Variants in C7orf78 observed in about 807,000 individuals in gnomAD.
The protein encoded by C7orf78 is chromosome 7 open reading frame 78, also known as putative uncharacterized protein C7orf78.
the C7orf78 span, chr7:12,486,933 A>G: frequency 8.6e-6 from 1 of 116,082 alleles, no homozygotes; most frequent in Admixed American, 1.0e-4. Context: ...TAATTTTTAT[A>G]ATTTAATTTA....
At chr7:12,502,981 C>T in the C7orf78 span, among the ~76,000 whole-genome samples, 1 of 149,240 alleles carries the variant, frequency 6.7e-6, no homozygotes, top group East Asian at 2.0e-4. Flanking sequence ...ACTATCGCAA[C>T]AACAAAAAAC....
At chr7:12,539,176 C>T in the C7orf78 span, among the ~76,000 whole-genome samples, 1 of 152,104 alleles carries the variant, frequency 6.6e-6, no homozygotes, top group Non-Finnish European at 1.5e-5. Flanking sequence ...AAAGACAAAG[C>T]CTTTAGGGCC....
chr7:12,541,515 T>C, the C7orf78 span: 1 of 152,150 alleles, frequency 6.6e-6, no homozygotes, highest in Non-Finnish European at 1.5e-5. Context: ...TCCCAGAGGA[T>C]GTCATCCAAA....
At chr7:12,534,282 A>T in the C7orf78 span, among the ~76,000 whole-genome samples, 1 of 152,204 alleles carries the variant, frequency 6.6e-6, no homozygotes, top group Non-Finnish European at 1.5e-5. Flanking sequence ...ATTTAAGATT[A>T]TGTTCAGCCA....
the C7orf78 span, among the ~76,000 whole-genome samples, chr7:12,513,359 G>A: frequency 1.3e-5 from 2 of 151,762 alleles, no homozygotes; most frequent in Non-Finnish European, 2.9e-5. Context: ...TGCTGCTGTT[G>A]TTGCTCTTGT....
chr7:12,485,145 T>C, the C7orf78 span, among the ~76,000 whole-genome samples: 2 of 69,098 alleles, frequency 2.9e-5, no homozygotes, highest in African/African-American at 5.7e-5. Context: ...CAGTAGACAT[T>C]ATGCTATCAG....
the C7orf78 span, among the ~76,000 whole-genome samples, chr7:12,500,150 C>T: frequency 1.4e-5 from 2 of 145,514 alleles, no homozygotes; most frequent in South Asian, 2.3e-4. Context: ...AATTGACACC[C>T]TAACATCACA....
chr7:12,524,037 T>A, the C7orf78 span, among the ~76,000 whole-genome samples: 2 of 152,216 alleles, frequency 1.3e-5, no homozygotes, highest in African/African-American at 4.8e-5. Context: ...AGGCAAAGAG[T>A]TAAACAGTAG....
the C7orf78 span, among the ~76,000 whole-genome samples, chr7:12,502,685 G>A: frequency 6.6e-6 from 1 of 151,914 alleles, no homozygotes; most frequent in South Asian, 2.1e-4. Context: ...TGATTCCTCA[G>A]GGATCTAGAA....
the C7orf78 span, among the ~76,000 whole-genome samples, chr7:12,484,416 G>C: frequency 2.6e-5 from 4 of 152,072 alleles, no homozygotes; most frequent in Admixed American, 2.0e-4. Flanking sequence ...CTAACATCTT[G>C]ACTAGTTTTC....
At chr7:12,510,998 T>C in the C7orf78 span, among the ~76,000 whole-genome samples, 1 of 152,198 alleles carries the variant, frequency 6.6e-6, no homozygotes, top group Non-Finnish European at 1.5e-5. Context: ...CTGTGTTTTT[T>C]GTAGTAGTTT....
chr7:12,532,982 T>A, the C7orf78 span, among the ~76,000 whole-genome samples: 1 of 152,178 alleles, frequency 6.6e-6, no homozygotes, highest in East Asian at 1.9e-4. Context: ...GTCATCCTAC[T>A]AATGATTTAG....
At chr7:12,486,017 T>G in the C7orf78 span, among the ~76,000 whole-genome samples, 3 of 152,084 alleles carry the variant, frequency 2.0e-5, no homozygotes, top group Non-Finnish European at 4.4e-5. Context: ...TGATTCAAGG[T>G]TTTAGCAGAT....
the C7orf78 span, among the ~76,000 whole-genome samples, chr7:12,503,562 G>A: frequency 4.0e-5 from 6 of 151,606 alleles, no homozygotes; most frequent in Non-Finnish European, 7.4e-5. Flanking sequence ...TTACATGGGG[G>A]ATTCATTACA....
chr7:12,523,179 C>T, the C7orf78 span: 1 of 398,266 alleles, frequency 2.5e-6, no homozygotes, highest in Admixed American at 4.4e-5. Flanking sequence ...AAACTGTATA[C>T]ATCTTTGAGA....
At chr7:12,493,074 A>G in the C7orf78 span, among the ~76,000 whole-genome samples, 1 of 152,140 alleles carries the variant, frequency 6.6e-6, no homozygotes, top group African/African-American at 2.4e-5. Context: ...ATGGTGGCAC[A>G]TGCCTGTAAT....
At chr7:12,495,994 C>T in the C7orf78 span, among the ~76,000 whole-genome samples, 2 of 151,790 alleles carry the variant, frequency 1.3e-5, no homozygotes, top group East Asian at 1.9e-4. Flanking sequence ...GGCGTGATCT[C>T]GGCTCACTGC....
chr7:12,513,403 T>G, the C7orf78 span, among the ~76,000 whole-genome samples: 3 of 152,176 alleles, frequency 2.0e-5, no homozygotes, highest in African/African-American at 7.2e-5. Context: ...AAAGTTCCAG[T>G]CAAGTACTTC....
chr7:12,484,837 T>C, the C7orf78 span, among the ~76,000 whole-genome samples: 5 of 144,502 alleles, frequency 3.5e-5, no homozygotes, highest in Non-Finnish European at 6.0e-5. Context: ...ACTTGGAATT[T>C]ACTCAGTTGC....
Sources: gnomAD v4.1 joint callset for allele counts (sites outside exome capture counted in the v4.1 genomes callset) on GRCh38, gnomAD v4.1.1 for gene constraint, MANE v1.5 for transcripts, NCBI Gene and HGNC (gene_info 2026-07-23, HGNC 2026-07-21) for gene names.